The following NAALADL2 variants were observed in gnomAD, a reference collection of about 807,000 sequenced individuals.
NAALADL2 encodes the protein inactive N-acetylated-alpha-linked acidic dipeptidase-like protein 2.
In NAALADL2, 76 loss-of-function variants were observed where a neutral mutation model predicts 87.2. The observed-to-expected ratio is 0.87, with a 90% CI of 0.72 to 1.05. The LOEUF (loss-of-function observed/expected upper bound fraction) is 1.05. Among genes scored for constraint, NAALADL2 ranks in the 50% least tolerant of loss-of-function variants. The pLI is 0.00. For missense variants in NAALADL2, 1,089 were observed against 945.8 expected (o/e 1.15, Z -1.99); for synonymous variants, 354 against 331.0 (o/e 1.07, Z -0.75).
chr3:175,032,613 C>A (rs535500173), intron 1 of NAALADL2, among the ~76,000 whole-genome samples: 13 of 152,088 alleles, frequency 8.5e-5, no homozygotes, highest in African/African-American at 2.4e-4. Context: ...TTTGCCTTTA[C>A]CTGGCAGGCT....
At chr3:175,763,871 GAT>G (rs1748347977) in intron 13 of NAALADL2, among the ~76,000 whole-genome samples, 1 of 152,066 alleles carries the variant, frequency 6.6e-6, no homozygotes, top group South Asian at 2.1e-4. Context: ...ACTGTGGTGA[GAT>G]AGGTTTATAG....
rs1188057972 is a variant in NAALADL2 at position 174,548,842 on chromosome 3, A to T, written c.-183-1727A>T. On this transcript the variant is annotated intron_variant, in intron 1 of 3. Transcript: ENST00000434257. The stretch of plus-strand genomic sequence containing the variant: ...GATTTAAGTTGCTAATATATATTTT[A>T]TTATTATTATTATTTGAAACAAGAT... Among the ~76,000 whole-genome samples the T allele has an allele frequency of 3.9e-5, 6 of 151,988 alleles. No homozygotes were observed. In the South Asian group the frequency reaches 1.2e-3, roughly 32 times the overall value.
chr3:174,441,295 C>T (rs931589733), intron 1 of NAALADL2, among the ~76,000 whole-genome samples: 1 of 152,238 alleles, frequency 6.6e-6, no homozygotes, highest in South Asian at 2.1e-4. Flanking sequence ...TGGCAGTCCG[C>T]GAGGCGCGCT....
chr3:175,323,758 C>T lies in NAALADL2; in HGVS notation c.940-417C>T, dbSNP rs1353373832. Among the ~76,000 whole-genome samples, 3 of 151,748 alleles carry T rather than the reference C, an allele frequency of 2.0e-5. 1 individual carries two copies. The highest frequency in any genetic ancestry group is 6.6e-5 in the Admixed American group (1 of 15,244). On this transcript the variant is annotated intron_variant, in intron 4 of 13. Coordinates refer to ENST00000454872, the MANE Select transcript of NAALADL2 (RefSeq NM_207015.3). ...AAAGGCCGGGTGCAGTGGCTCACGC[C>T]TGTAATCCCAGCAGTTTGGGAGGCC...
chr3:175,238,069 T>A lies in NAALADL2; in HGVS notation c.819+3865T>A, dbSNP rs182870455. 1.4e-3 allele frequency among the ~76,000 whole-genome samples: 215 copies of A among 152,298 alleles called. 4 individuals are homozygous for A. In the East Asian group the frequency reaches 0.023, roughly 17 times the overall value. On this transcript the variant is annotated intron_variant, in intron 3 of 13. Transcript: ENST00000454872. ...ATGAAACTGGGTGGGGTGTTTTTTT[T>A]AAAATATTCCTGTGTAACCATATCT...
chr3:175,433,313 A>G (rs1718089142), intron 5 of NAALADL2, among the ~76,000 whole-genome samples: 1 of 152,042 alleles, frequency 6.6e-6, no homozygotes, highest in African/African-American at 2.4e-5. Flanking sequence ...CACTGGCGTA[A>G]TATAACATCA....
intron 11 of NAALADL2, among the ~76,000 whole-genome samples, chr3:175,687,054 C>T (rs543595077): frequency 5.7e-4 from 87 of 152,220 alleles, no homozygotes; most frequent in Non-Finnish European, 1.1e-3. Flanking sequence ...GAATTTCTAT[C>T]TCCTTCTAGA....
chr3:175,253,150 T>C (rs1256544330), intron 3 of NAALADL2, among the ~76,000 whole-genome samples: 4 of 152,168 alleles, frequency 2.6e-5, no homozygotes, highest in Admixed American at 6.5e-5. Flanking sequence ...AATACATTCA[T>C]AGCTAGAGAG....
intron 3 of NAALADL2, among the ~76,000 whole-genome samples, chr3:175,239,346 G>A (rs1013127810): frequency 5.3e-5 from 8 of 152,158 alleles, no homozygotes; most frequent in African/African-American, 1.9e-4. Flanking sequence ...ATTATCATAA[G>A]GTTAAAGACA....
intron 5 of NAALADL2, among the ~76,000 whole-genome samples, chr3:175,368,563 G>T (rs1765989930): frequency 1.3e-5 from 1 of 78,858 alleles, no homozygotes; most frequent in Non-Finnish European, 3.2e-5. Context: ...ACTGTAGCAG[G>T]TGTGTGTGAG....
At chr3:174,520,869 CA>C in intron 1 of NAALADL2, among the ~76,000 whole-genome samples, 1 of 152,068 alleles carries the variant, frequency 6.6e-6, no homozygotes, top group Non-Finnish European at 1.5e-5. Context: ...AACCCCATTG[CA>C]AAGTGGATAA....
intron 1 of NAALADL2, among the ~76,000 whole-genome samples, chr3:174,453,837 A>C (rs1182853491): frequency 6.6e-6 from 1 of 152,154 alleles, no homozygotes; most frequent in Non-Finnish European, 1.5e-5. Context: ...CAACACTATA[A>C]AACAGCCACA....
chr3:175,572,567 C>T (rs1718245352), intron 9 of NAALADL2, among the ~76,000 whole-genome samples: 2 of 152,020 alleles, frequency 1.3e-5, no homozygotes, highest in African/African-American at 4.8e-5. Context: ...TGAATGCTGC[C>T]CTTTTGATTT....
chr3:174,879,698 C>T (rs1036223239), intron 1 of NAALADL2, among the ~76,000 whole-genome samples: 3 of 152,000 alleles, frequency 2.0e-5, no homozygotes, highest in African/African-American at 7.2e-5. Context: ...TACTCATCTC[C>T]TAAACTACAG....
chr3:175,125,942 G>A (rs952822033), intron 2 of NAALADL2, among the ~76,000 whole-genome samples: 55 of 152,112 alleles, frequency 3.6e-4, no homozygotes, highest in African/African-American at 1.3e-3. Context: ...AACCAGCATA[G>A]GAGACTTGAA....
chr3:174,720,752 C>A (rs913124757), intron 2 of NAALADL2, among the ~76,000 whole-genome samples: 1 of 152,108 alleles, frequency 6.6e-6, no homozygotes, highest in Non-Finnish European at 1.5e-5. Context: ...TTTTACAATC[C>A]ATTTAAAACA....
chr3:174,868,576 C>T (rs967813134), intron 1 of NAALADL2, among the ~76,000 whole-genome samples: 4 of 151,576 alleles, frequency 2.6e-5, no homozygotes, highest in South Asian at 2.1e-4. Flanking sequence ...TAGTGGGATT[C>T]GAAAAAAGAA....
chr3:174,624,955 C>T (rs13074402), intron 2 of NAALADL2, among the ~76,000 whole-genome samples: 2 of 150,836 alleles, frequency 1.3e-5, no homozygotes, highest in South Asian at 2.1e-4. Context: ...AAGTCTTTTT[C>T]TCTTGGTAGC....
At chr3:175,637,893 C>T (rs1483097707) in intron 11 of NAALADL2, among the ~76,000 whole-genome samples, 1 of 152,044 alleles carries the variant, frequency 6.6e-6, no homozygotes, top group Non-Finnish European at 1.5e-5. Context: ...ATTGAAATAT[C>T]AGAGATGCAT....
Sources: gnomAD v4.1 joint callset for allele counts (sites outside exome capture counted in the v4.1 genomes callset) on GRCh38, gnomAD v4.1.1 for gene constraint, MANE v1.5 for transcripts, NCBI Gene and HGNC (gene_info 2026-07-23, HGNC 2026-07-21) for gene names.